The following CCDC197 variants were observed in gnomAD, a reference collection of about 807,000 sequenced individuals.
CCDC197 encodes the protein uncharacterized protein CCDC197.
A neutral mutation model predicts 13.4 loss-of-function variants in CCDC197; 24 were observed. The ratio of observed to expected loss-of-function variants is 1.80; its 90% confidence interval spans 1.30 to 2.53. CCDC197 has a LOEUF of 2.53. Ranked by LOEUF, CCDC197 falls within the 30% of genes most tolerant of loss-of-function variation. The pLI, the probability that CCDC197 is intolerant of heterozygous loss-of-function variation, is 0.00. For missense variants in CCDC197, 255 were observed against 148.8 expected, an observed-to-expected ratio of 1.71 and a Z score of -3.71; for synonymous variants, 99 against 55.5, an observed-to-expected ratio of 1.78 and a Z score of -3.48.
chr14:94,009,020 G>A (rs1011413217), downstream of CCDC197, among the ~76,000 whole-genome samples: 1 of 152,326 alleles, frequency 6.6e-6, no homozygotes, highest in African/African-American at 2.4e-5. Context: ...CCTGGGATCC[G>A]GGAGAGAGAG....
chr14:93,991,028 C>T (rs1890201883), intron 1 of CCDC197, among the ~76,000 whole-genome samples: 1 of 152,166 alleles, frequency 6.6e-6, no homozygotes, highest in South Asian at 2.1e-4. Flanking sequence ...GGTGCCTGAC[C>T]TGCCATTAGT....
upstream of CCDC197, among the ~76,000 whole-genome samples, chr14:93,995,579 C>T (rs1418938756): frequency 1.3e-5 from 2 of 152,170 alleles, no homozygotes; most frequent in Admixed American, 6.5e-5. Context: ...GGCCCCAATG[C>T]GGGCTCTTAG....
intron 1 of CCDC197, among the ~76,000 whole-genome samples, chr14:93,990,334 C>A (rs1890187223): frequency 6.6e-6 from 1 of 152,188 alleles, no homozygotes; most frequent in African/African-American, 2.4e-5. Flanking sequence ...CAGAGTACCA[C>A]TCTCCTGGTC....
At chr14:93,999,810 G>C (rs1052661621) in intron 3 of CCDC197, 145 bp downstream of exon 3, 1 of 630,924 alleles carries the variant, frequency 1.6e-6, no homozygotes, top group African/African-American at 1.8e-5. Context: ...CACAGTAGTG[G>C]GGAAGGGCTC....
At chr14:94,001,447 T>A (rs1458572679) in intron 4 of CCDC197, 124 bp downstream of exon 4, 5 of 552,876 alleles carry the variant, frequency 9.0e-6, no homozygotes. Context: ...TGGGGGGCCC[T>A]CGGTGGGGCT....
intron 4 of CCDC197, among the ~76,000 whole-genome samples, chr14:94,002,973 C>T (rs1297282911): frequency 1.3e-5 from 2 of 152,098 alleles, no homozygotes; most frequent in Non-Finnish European, 2.9e-5. Flanking sequence ...CACATCTTAC[C>T]TGGTGGCAGG....
At chr14:94,000,083 A>C (rs1186549608) in intron 3 of CCDC197, among the ~76,000 whole-genome samples, 2 of 152,180 alleles carry the variant, frequency 1.3e-5, no homozygotes, top group Admixed American at 6.5e-5. Flanking sequence ...AACTAAGAGT[A>C]TAAGGACATC....
At chr14:93,996,555 C>A (rs920186158), upstream of CCDC197, among the ~76,000 whole-genome samples, 1 of 152,314 alleles carries the variant, frequency 6.6e-6, no homozygotes, top group East Asian at 1.9e-4. Flanking sequence ...TCCTGGCCCC[C>A]ACTCTGGCTC....
chr14:93,993,618 G>A (rs1338007736), upstream of CCDC197, among the ~76,000 whole-genome samples: 1 of 152,282 alleles, frequency 6.6e-6, no homozygotes, highest in Non-Finnish European at 1.5e-5. Context: ...ATTTGGGGCT[G>A]TAGAGCAGAT....
chr14:93,996,853 G>A (rs1258361190), upstream of CCDC197, among the ~76,000 whole-genome samples: 1 of 152,240 alleles, frequency 6.6e-6, no homozygotes. Flanking sequence ...CCGCCAAGCT[G>A]TAGGCAGGGG....
At chr14:93,992,713 C>T (rs530701891), upstream of CCDC197, among the ~76,000 whole-genome samples, 5 of 152,318 alleles carry the variant, frequency 3.3e-5, no homozygotes, top group African/African-American at 7.2e-5. Context: ...TCCTCCACCA[C>T]GGGAAGGCCC....
chr14:94,002,851 C>CAAA (rs759127379), intron 4 of CCDC197, among the ~76,000 whole-genome samples: 1,132 of 107,930 alleles, frequency 0.01, 18 homozygotes, highest in East Asian at 0.032. Flanking sequence ...GAGACTGTCT[C>CAAA]AAAAAAAAAA....
chr14:93,987,661 G>C (rs551065097), intron 1 of CCDC197, among the ~76,000 whole-genome samples: 1 of 152,108 alleles, frequency 6.6e-6, no homozygotes, highest in Admixed American at 6.5e-5. Flanking sequence ...CTCTGGAGGC[G>C]GGCAGCCCCA....
rs958840086 is a variant in CCDC197, at chr14:93,991,544, G to A, written c.-107+4148G>A. ...GTATGCATACATCTATCGAGCGCCT[G>A]CTGTGGGTCCAGTACTATTCTTCTA... is the stretch of plus-strand genomic sequence containing the variant. On this transcript the variant is annotated intron_variant, in intron 1 of 7. Transcript: ENST00000640978. 2.6e-5 allele frequency among the ~76,000 whole-genome samples: 4 copies of A among 152,356 alleles called. No individual in the cohort carries two copies. In the South Asian group the frequency reaches 8.3e-4, roughly 32 times the overall value.
At chr14:94,002,918 C>G in intron 4 of CCDC197, among the ~76,000 whole-genome samples, 1 of 151,528 alleles carries the variant, frequency 6.6e-6, no homozygotes, top group Non-Finnish European at 1.5e-5. Context: ...CTACATGGCT[C>G]GGGTGACCTG....
intron 3 of CCDC197, among the ~76,000 whole-genome samples, chr14:94,000,348 T>A (rs1009357176): frequency 1.3e-4 from 20 of 152,086 alleles, no homozygotes; most frequent in Admixed American, 7.9e-4. Context: ...CAGGAAGTGG[T>A]GGCACTGGGC....
intron 4 of CCDC197, among the ~76,000 whole-genome samples, chr14:94,002,651 A>G (rs1457413190): frequency 6.6e-6 from 1 of 152,114 alleles, no homozygotes; most frequent in Non-Finnish European, 1.5e-5. Flanking sequence ...TCAGGAGTTC[A>G]AGACCAGCCT....
chr14:93,994,755 A>G (rs1890254451), upstream of CCDC197, among the ~76,000 whole-genome samples: 1 of 152,174 alleles, frequency 6.6e-6, no homozygotes, highest in Admixed American at 6.5e-5. Context: ...GAGCGTGGGA[A>G]GGGACGAGGG....
intron 4 of CCDC197, among the ~76,000 whole-genome samples, chr14:94,002,095 T>C (rs1034002389): frequency 6.6e-6 from 1 of 152,156 alleles, no homozygotes; most frequent in African/African-American, 2.4e-5. Flanking sequence ...CACCTCTAGG[T>C]AGGTGCTACT....
Sources: allele counts gnomAD v4.1 joint callset (sites outside exome capture counted in the v4.1 genomes callset), GRCh38; gene constraint gnomAD v4.1.1; transcripts MANE v1.5; gene names NCBI Gene and HGNC (gene_info 2026-07-23, HGNC 2026-07-21).